Variants in MYCBP2 observed in about 807,000 individuals in gnomAD.
MYCBP2 encodes the protein E3 ubiquitin-protein ligase MYCBP2.
In MYCBP2, 120 loss-of-function variants were observed where a neutral mutation model predicts 525.3. That is an observed-to-expected ratio of 0.23 (90% CI 0.20 to 0.27). The LOEUF (loss-of-function observed/expected upper bound fraction) is 0.27, where lower values mean the gene tolerates loss of function less well. Ranked by LOEUF, MYCBP2 falls within the 10% of genes least tolerant of loss-of-function variation. The pLI is 1.00. For missense variants in MYCBP2, 4,149 were observed against 5,657.1 expected, an observed-to-expected ratio of 0.73 and a Z score of 8.55; for synonymous variants, 1,894 against 1,955.8, an observed-to-expected ratio of 0.97 and a Z score of 0.83.
chr13:77,087,723 T>G (rs931887864), intron 61 of MYCBP2, 90 bp from the exon 62 acceptor site: 2 of 1,079,746 alleles, frequency 1.9e-6, no homozygotes, highest in Non-Finnish European at 2.6e-6. Context: ...GATTAAGACT[T>G]CAAAGAAAGA....
At chr13:77,187,360 C>A (rs1472226650) in intron 30 of MYCBP2, among the ~76,000 whole-genome samples, 1 of 152,174 alleles carries the variant, frequency 6.6e-6, no homozygotes, top group East Asian at 1.9e-4. Flanking sequence ...ATTCAAAGCA[C>A]AAGCTCTACA....
rs1184220018 is a variant in MYCBP2, at chr13:77,263,929, A to G, written c.1431T>C (p.Asp477=). ...EYINQIAASR[D]DGFVVRIFAT... is the part of the protein sequence containing the mutation. ...GCTACTTAAGATTCAGGATACTTACATCTCTTGAAGCAGCTATCTGATTAA... is the reference window on the plus strand; with the variant it reads ...GCTACTTAAGATTCAGGATACTTACGTCTCTTGAAGCAGCTATCTGATTAA... Residue 477 remains aspartate, a splice_region_variant and synonymous_variant, in exon 9 of 83, where the codon GAT becomes GAC. Coordinates refer to ENST00000544440, the MANE Select transcript of MYCBP2 (RefSeq NM_015057.5). The G allele has an allele frequency of 2.5e-6, 4 of 1,610,986 alleles. No individual in the cohort carries two copies. In the African/African-American group the frequency reaches 5.3e-5, roughly 22 times the overall value.
At chr13:77,211,916 C>T (rs1459898917) in intron 22 of MYCBP2, 40 bp downstream of exon 22, 7 of 1,482,016 alleles carry the variant, frequency 4.7e-6, no homozygotes, top group South Asian at 1.1e-5. Flanking sequence ...TCAATCAAGA[C>T]AAGAGTTTGG....
At chr13:77,212,514 T>C (rs971758229) in intron 21 of MYCBP2, among the ~76,000 whole-genome samples, 3 of 152,192 alleles carry the variant, frequency 2.0e-5, no homozygotes, top group Non-Finnish European at 4.4e-5. Flanking sequence ...TTCCAAATTG[T>C]TCATTTAAAA....
chr13:77,205,147 T>C, intron 26 of MYCBP2, 109 bp downstream of exon 26: 7 of 999,846 alleles, frequency 7.0e-6, no homozygotes, highest in Non-Finnish European at 9.3e-6. Flanking sequence ...AAAAACAAAA[T>C]AAACCCAGTT....
In MYCBP2 at chr13:77,207,602, G is replaced by GT. The variant is rs917524623; in HGVS notation, c.3417-778dup. Among the ~76,000 whole-genome samples, 20 of 152,024 alleles carry GT rather than the reference G, an allele frequency of 1.3e-4. No homozygotes were observed. In the East Asian group the frequency reaches 2.7e-3, roughly 21 times the overall value. ...TGATTAAGATGGTAAATTTTATACT[G>GT]TTTTTTTACCACAATTAAAAAATTT... On this transcript the variant is annotated intron_variant, in intron 23 of 82. Coordinates refer to ENST00000544440, the MANE Select transcript of MYCBP2 (RefSeq NM_015057.5).
Position 77,190,370 on chromosome 13 carries a change from T to C in MYCBP2, c.4071-35A>G, listed in dbSNP as rs78105111. ...GAAAACAATGATACCAAAAACAACATGATCATTACAGGAAATAAGAAATTT... is the reference window on the plus strand; with the variant it reads ...GAAAACAATGATACCAAAAACAACACGATCATTACAGGAAATAAGAAATTT... On this transcript the variant is annotated intron_variant, in intron 28 of 82. Coordinates refer to ENST00000544440, the MANE Select transcript of MYCBP2 (RefSeq NM_015057.5). The C allele has an allele frequency of 6.6e-4, 804 of 1,225,416 alleles. 5 individuals carry two copies. Among genetic ancestry groups the C allele is most frequent in the Admixed American group, 6.0e-4 (33 of 54,988 alleles). 75.9% of individuals were successfully genotyped at this position (1,225,416 alleles called of 1,614,324 possible). A position where few individuals can be genotyped will look rare whatever the true frequency, so the allele number is the denominator to read the frequency against.
chr13:77,326,363 A>G lies in MYCBP2; in HGVS notation c.302+111T>C. ...ACATCCAGAGCGGACTGAAAGCTCA[A>G]TAAATGCGCAGGTACACACACGCAA... On this transcript the variant is annotated intron_variant, in intron 1 of 82. Coordinates refer to ENST00000544440, the MANE Select transcript of MYCBP2 (RefSeq NM_015057.5). The surrounding 1 kb of genome is among the most constrained non-coding windows in gnomAD (Gnocchi z 4.2). 9.0e-7 allele frequency: 1 copy of G among 1,111,924 alleles called. No homozygotes were observed. The allele number at this position is 1,111,924 out of a possible 1,614,324, so 68.9% of individuals were successfully genotyped here.
intron 3 of MYCBP2, among the ~76,000 whole-genome samples, chr13:77,282,424 AAAAG>A (rs1489911692): frequency 3.9e-5 from 6 of 152,102 alleles, no homozygotes; most frequent in Non-Finnish European, 5.9e-5. Flanking sequence ...AAAAAAAAAA[AAAAG>A]AAAGAAAGTA....
intron 52 of MYCBP2, among the ~76,000 whole-genome samples, chr13:77,133,345 T>C (rs957129623): frequency 1.3e-5 from 2 of 152,164 alleles, no homozygotes; most frequent in South Asian, 2.1e-4. Context: ...GAAATTATTT[T>C]AAACAGAATG....
At chr13:77,129,161 G>A (rs1455193126) in intron 52 of MYCBP2, 1 of 397,522 alleles carries the variant, frequency 2.5e-6, no homozygotes, top group African/African-American at 2.1e-5. Flanking sequence ...CTCACCTGGG[G>A]GAAAAAAGCT....
chr13:77,212,398 AG>A (rs533768153), intron 21 of MYCBP2, among the ~76,000 whole-genome samples: 64 of 152,316 alleles, frequency 4.2e-4, no homozygotes, highest in Non-Finnish European at 6.2e-4. Flanking sequence ...TTTAAAAAAA[AG>A]TTTGAAATAT....
intron 36 of MYCBP2, among the ~76,000 whole-genome samples, chr13:77,175,350 G>A (rs2154238499): frequency 6.6e-6 from 1 of 152,008 alleles, no homozygotes; most frequent in East Asian, 1.9e-4. Context: ...AAAACTCAGA[G>A]ATAGAAATAT....
At chr13:77,234,554 T>C (rs1370513632) in intron 17 of MYCBP2, among the ~76,000 whole-genome samples, 1 of 151,972 alleles carries the variant, frequency 6.6e-6, no homozygotes, top group African/African-American at 2.4e-5. Flanking sequence ...AAACCATGAA[T>C]AACATATTCT....
At position 77,171,483 on chromosome 13, in the gene MYCBP2, A is replaced by C; in HGVS notation, c.5794+9T>G. On this transcript the variant is annotated intron_variant, in intron 38 of 82. Transcript: ENST00000544440. Reference sequence around the variant, plus strand: ...TAAAATATGACTACTGAGAAAGAAAAAATATTACCATCCACAGCAAGAGCT... The same window carrying C: ...TAAAATATGACTACTGAGAAAGAAACAATATTACCATCCACAGCAAGAGCT... 1 of 1,605,648 alleles carries C rather than the reference A, an allele frequency of 6.2e-7. No homozygotes were observed. The highest frequency in any genetic ancestry group is 2.2e-5 in the East Asian group (1 of 44,828).
chr13:77,191,420 C>G (rs548391652), intron 28 of MYCBP2, among the ~76,000 whole-genome samples: 1 of 152,254 alleles, frequency 6.6e-6, no homozygotes, highest in African/African-American at 2.4e-5. Context: ...ATTTGGTAAT[C>G]AAGCTCGTAA....
chr13:77,305,740 T>C (rs767328219), intron 1 of MYCBP2, among the ~76,000 whole-genome samples: 99 of 151,998 alleles, frequency 6.5e-4, no homozygotes, highest in Non-Finnish European at 7.5e-4. Flanking sequence ...AAAGAATAAA[T>C]ACATAATCAA....
chr13:77,141,395 T>C (rs2054591659), intron 49 of MYCBP2, among the ~76,000 whole-genome samples: 2 of 152,184 alleles, frequency 1.3e-5, no homozygotes, highest in South Asian at 2.1e-4. Flanking sequence ...TTTGACTCTC[T>C]GTGCCTCAAT....
intron 30 of MYCBP2, 132 bp downstream of exon 30, chr13:77,188,819 T>C: frequency 2.0e-6 from 1 of 506,118 alleles, no homozygotes; most frequent in Non-Finnish European, 3.3e-6. Flanking sequence ...AGAATATAAA[T>C]GTGAATACAA....
Sources: allele counts gnomAD v4.1 joint callset (sites outside exome capture counted in the v4.1 genomes callset), GRCh38; gene constraint gnomAD v4.1.1; non-coding constraint Gnocchi (gnomAD v3.1); transcripts MANE v1.5; gene names NCBI Gene and HGNC (gene_info 2026-07-23, HGNC 2026-07-21).